Variants in ANKRD17 observed in about 807,000 individuals in gnomAD.
ANKRD17 encodes ankyrin repeat domain 17.
In ANKRD17, 19 loss-of-function variants were observed where a neutral mutation model predicts 229.7. The observed-to-expected ratio is 0.08, with a 90% CI of 0.06 to 0.12. The LOEUF (loss-of-function observed/expected upper bound fraction) is 0.12, where lower values mean the gene tolerates loss of function less well. Among genes scored for constraint, ANKRD17 ranks in the 10% least tolerant of loss-of-function variants. The pLI, the probability that ANKRD17 is intolerant of heterozygous loss-of-function variation, is 1.00. For synonymous variants in ANKRD17, 1,112 were observed against 1,146.1 expected (o/e 0.97, Z 0.60); for missense variants, 2,176 against 3,176.8 (o/e 0.68, Z 7.57).
chr4:73,157,476 T>C (rs1431799550), intron 3 of ANKRD17, among the ~76,000 whole-genome samples: 2 of 152,202 alleles, frequency 1.3e-5, no homozygotes, highest in East Asian at 1.9e-4. Flanking sequence ...ATTCCAATTG[T>C]AGACATTTCT....
intron 14 of ANKRD17, among the ~76,000 whole-genome samples, chr4:73,140,935 T>C (rs1026251263): frequency 6.6e-6 from 1 of 152,184 alleles, no homozygotes; most frequent in Non-Finnish European, 1.5e-5. Context: ...GACTATGCCA[T>C]CCACTGTATC....
chr4:73,193,451 T>TATAC (rs1398416513), intron 1 of ANKRD17, among the ~76,000 whole-genome samples: 2 of 152,250 alleles, frequency 1.3e-5, no homozygotes, highest in African/African-American at 4.8e-5. Flanking sequence ...GTGACACCAC[T>TATAC]ATACATTCCT....
rs1722816282 is a variant in ANKRD17 at position 73,091,724 on chromosome 4, G to A, written c.5904C>T (p.Ser1968=). The A allele has an allele frequency of 1.9e-6, 3 of 1,614,162 alleles. No individual in the cohort carries two copies. The change falls in exon 29 of 34, where the codon AGC becomes AGT. Residue 1968 remains serine (S), a synonymous_variant. Coordinates refer to ENST00000358602, the MANE Select transcript of ANKRD17 (RefSeq NM_032217.5). ...QVNSAGSLTS[S]PTTTTSSSAS... ...CTGATGAACTGGTTGTAGTTGTTGGGCTTGAAGTTAAAGAACCTGCTGAAT... is the reference window on the plus strand; with the variant it reads ...CTGATGAACTGGTTGTAGTTGTTGGACTTGAAGTTAAAGAACCTGCTGAAT...
At chr4:73,133,207 C>T (rs559743991) in intron 16 of ANKRD17, among the ~76,000 whole-genome samples, 1 of 151,810 alleles carries the variant, frequency 6.6e-6, no homozygotes, top group African/African-American at 2.4e-5. Context: ...CCAAGATTGC[C>T]ACTGCACTCC....
chr4:73,135,091 C>A, intron 16 of ANKRD17, 26 bp downstream of exon 16: 4 of 1,587,334 alleles, frequency 2.5e-6, no homozygotes, highest in Non-Finnish European at 3.4e-6. Context: ...AATGAAAAAA[C>A]CATCTCTCTT....
Position 73,234,905 on chromosome 4 carries a change from CACT to C in ANKRD17, c.393+23368_393+23370del, listed in dbSNP as rs1016618776. Among the ~76,000 whole-genome samples, 13 of 152,218 alleles carry C rather than the reference CACT, an allele frequency of 8.5e-5. No individual in the cohort carries two copies. The East Asian group carries it at 2.5e-3, about 29-fold the overall frequency. On this transcript the variant is annotated intron_variant, in intron 1 of 33. Coordinates refer to ENST00000358602, the MANE Select transcript of ANKRD17 (RefSeq NM_032217.5). ...AATTCTTAAGTATTACCCAACTGCC[CACT>C]ACTACTGATTGGTGTTTGTTGACTC... is the stretch of plus-strand genomic sequence containing the variant.
chr4:73,111,841 TTTA>T (rs1260238752), intron 24 of ANKRD17, among the ~76,000 whole-genome samples: 1 of 152,226 alleles, frequency 6.6e-6, no homozygotes, highest in Non-Finnish European at 1.5e-5. Context: ...TCAACAAATA[TTTA>T]TTGAGTGCCT....
intron 15 of ANKRD17, 143 bp downstream of exon 15, chr4:73,139,388 A>G: frequency 1.1e-6 from 1 of 930,252 alleles, no homozygotes; most frequent in Non-Finnish European, 1.6e-6. Context: ...AGAACTTCTG[A>G]GATTGAACTA....
chr4:73,223,415 T>TA, intron 1 of ANKRD17, among the ~76,000 whole-genome samples: 1 of 152,326 alleles, frequency 6.6e-6, no homozygotes, highest in Middle Eastern at 3.4e-3. Context: ...TTATCCTTAG[T>TA]AAAGCCTTGT....
At chr4:73,121,238 TGA>T (rs1201574199) in intron 19 of ANKRD17, 144 bp from the exon 20 acceptor site, 1 of 738,736 alleles carries the variant, frequency 1.4e-6, no homozygotes, top group African/African-American at 1.8e-5. Context: ...AGTAAGTCTC[TGA>T]GATACTACCA....
chr4:73,204,264 G>A (rs1739126010), intron 1 of ANKRD17, among the ~76,000 whole-genome samples: 1 of 151,184 alleles, frequency 6.6e-6, no homozygotes, highest in African/African-American at 2.4e-5. Context: ...AAGAGGCTGA[G>A]GCGGGAGAAT....
intron 2 of ANKRD17, among the ~76,000 whole-genome samples, chr4:73,166,258 A>T (rs530553890): frequency 3.3e-4 from 51 of 152,350 alleles, no homozygotes; most frequent in Non-Finnish European, 5.1e-4. Context: ...AAAGCCAACC[A>T]AAGTATTGAA....
intron 24 of ANKRD17, among the ~76,000 whole-genome samples, chr4:73,108,870 A>G (rs374239784): frequency 4.6e-5 from 7 of 152,322 alleles, no homozygotes; most frequent in East Asian, 1.9e-4. Flanking sequence ...GATTGGAGAA[A>G]TAAGTGTGTA....
Position 73,140,039 on chromosome 4 carries a change from A to C in ANKRD17, c.2577T>G (p.Ile859Met). 6.2e-7 allele frequency: 1 copy of C among 1,613,938 alleles called. No individual in the cohort carries two copies. Among genetic ancestry groups the C allele is most frequent in the Non-Finnish European group, 8.5e-7 (1 of 1,180,000 alleles). Residue 859 changes from isoleucine (I) to methionine (M), a missense_variant, in exon 15 of 34, where the codon ATT becomes ATG. Ile to Met is a conservative substitution (Grantham distance 10). Transcript: ENST00000358602. ...CCTCCAAAATCTTTTGTTTCTTCTG[A>C]ATTTGTTCCTCCCTTGTTTTGTTGA... ...EELNKTREEQ[I>M]QKKQKILEEL...
intron 28 of ANKRD17, among the ~76,000 whole-genome samples, chr4:73,093,267 T>C (rs1452620582): frequency 6.6e-6 from 1 of 152,214 alleles, no homozygotes; most frequent in East Asian, 1.9e-4. Context: ...ATTCTTATGA[T>C]TTCTTAGAAC....
chr4:73,190,018 A>G (rs1736839534), intron 1 of ANKRD17, among the ~76,000 whole-genome samples: 1 of 152,322 alleles, frequency 6.6e-6, no homozygotes, highest in Non-Finnish European at 1.5e-5. Context: ...GATTAAAGAC[A>G]ATATCCATTT....
In ANKRD17 at chr4:73,073,784, T is replaced by A. The variant is rs1720852358; in HGVS notation, c.*2447A>T. On this transcript the variant is annotated 3_prime_UTR_variant, in exon 34 of 34. Coordinates refer to ENST00000358602, the MANE Select transcript of ANKRD17 (RefSeq NM_032217.5). ...GTTGAAAAGGCATGAAATGTGGAAT[T>A]TTGTTGGGAATGGATGGTATAAACT... 6.6e-6 allele frequency: 1 copy of A among 151,942 alleles called. No individual in the cohort carries two copies. Among genetic ancestry groups the A allele is most frequent in the African/African-American group, 2.4e-5 (1 of 41,408 alleles). The allele number at this position is 151,942 out of a possible 1,614,324, so 9.4% of individuals were successfully genotyped here.
chr4:73,160,040 T>C (rs190535738), intron 3 of ANKRD17, among the ~76,000 whole-genome samples: 91 of 152,192 alleles, frequency 6.0e-4, no homozygotes, highest in Admixed American at 5.5e-3. Flanking sequence ...TAAACCCAAA[T>C]AGAATATTCA....
intron 29 of ANKRD17, 91 bp from the exon 30 acceptor site, chr4:73,085,537 A>G: frequency 2.7e-6 from 3 of 1,120,612 alleles, no homozygotes; most frequent in Non-Finnish European, 3.9e-6. Context: ...AAATATATTC[A>G]AAACTATTTT....
Sources: allele counts gnomAD v4.1 joint callset (sites outside exome capture counted in the v4.1 genomes callset), GRCh38; gene constraint gnomAD v4.1.1; transcripts MANE v1.5; gene names NCBI Gene and HGNC (gene_info 2026-07-23, HGNC 2026-07-21).